The following MALRD1 variants were observed in gnomAD, a reference collection of about 807,000 sequenced individuals.
The protein encoded by MALRD1 is MAM and LDL-receptor class A domain-containing protein 1.
In MALRD1, 247 loss-of-function variants were observed where a neutral mutation model predicts 242.1. The ratio of observed to expected loss-of-function variants is 1.02; its 90% confidence interval spans 0.92 to 1.13. The LOEUF is 1.13. Ranked by LOEUF, MALRD1 falls within the 50% of genes most tolerant of loss-of-function variation. MALRD1 has a pLI of 0.00. For synonymous variants in MALRD1, 995 were observed against 866.6 expected, an observed-to-expected ratio of 1.15 and a Z score of -2.60; for missense variants, 2,989 against 2,533.1, an observed-to-expected ratio of 1.18 and a Z score of -3.86.
chr10:19,245,221 C>T (rs926744222), intron 18 of MALRD1, among the ~76,000 whole-genome samples: 1 of 152,102 alleles, frequency 6.6e-6, no homozygotes, highest in African/African-American at 2.4e-5. Context: ...TTATTTTTAA[C>T]TATAATCTAG....
At chr10:19,668,418 A>T (rs913900667) in intron 36 of MALRD1, among the ~76,000 whole-genome samples, 2 of 152,148 alleles carry the variant, frequency 1.3e-5, no homozygotes, top group South Asian at 2.1e-4. Flanking sequence ...CAGTCACCCA[A>T]TCCAGCCCAC....
intron 32 of MALRD1, among the ~76,000 whole-genome samples, chr10:19,536,517 G>A (rs1404668158): frequency 6.6e-6 from 1 of 151,838 alleles, no homozygotes; most frequent in African/African-American, 2.4e-5. Flanking sequence ...TTTCCTTGCT[G>A]ATTTCTCATC....
chr10:19,300,492 T>G (rs1187130851), intron 21 of MALRD1, among the ~76,000 whole-genome samples: 1 of 151,862 alleles, frequency 6.6e-6, no homozygotes, highest in Admixed American at 6.6e-5. Context: ...AATAGAATAG[T>G]GCTGTGACAA....
At chr10:19,327,091 C>G (rs1046674210) in intron 22 of MALRD1, among the ~76,000 whole-genome samples, 1 of 152,070 alleles carries the variant, frequency 6.6e-6, no homozygotes, top group Admixed American at 6.6e-5. Flanking sequence ...GCTCACTCAT[C>G]TTACCCATCT....
intron 26 of MALRD1, among the ~76,000 whole-genome samples, chr10:19,367,734 TA>T (rs1456517789): frequency 2.0e-5 from 3 of 152,138 alleles, no homozygotes; most frequent in Non-Finnish European, 4.4e-5. Context: ...GAAGAGTGTA[TA>T]AGAGTTCTCT....
intron 25 of MALRD1, among the ~76,000 whole-genome samples, chr10:19,348,416 C>A (rs1444150276): frequency 6.6e-6 from 1 of 151,934 alleles, no homozygotes; most frequent in African/African-American, 2.4e-5. Flanking sequence ...AATTAAATAT[C>A]TCCAAGAATG....
intron 34 of MALRD1, among the ~76,000 whole-genome samples, chr10:19,601,909 G>A (rs1351923559): frequency 6.6e-6 from 1 of 151,782 alleles, no homozygotes; most frequent in Non-Finnish European, 1.5e-5. Context: ...TGATCTCTCA[G>A]CTTTTTGCAA....
Position 19,327,537 on chromosome 10 carries a change from G to A in MALRD1, c.3577-26G>A, listed in dbSNP as rs150745163. 1.1e-3 allele frequency: 1,643 copies of A among 1,504,998 alleles called. 12 individuals carry two copies. In the African/African-American group the frequency reaches 0.02, roughly 18 times the overall value. 93.2% of individuals were successfully genotyped at this position (1,504,998 alleles called of 1,614,324 possible). A position where few individuals can be genotyped will look rare whatever the true frequency, so the allele number is the denominator to read the frequency against. ...ATTTCTCAAGATAAAATACTTCAGT[G>A]CCTTTTACTTGATTTATCTCTATAG... On this transcript the variant is annotated intron_variant, in intron 22 of 39. Coordinates refer to ENST00000454679, the MANE Select transcript of MALRD1 (RefSeq NM_001142308.3).
intron 32 of MALRD1, among the ~76,000 whole-genome samples, chr10:19,546,020 T>G (rs1835192971): frequency 6.6e-6 from 1 of 152,226 alleles, no homozygotes; most frequent in Non-Finnish European, 1.5e-5. Context: ...CTCAAGAGAG[T>G]TAATTATATT....
chr10:19,083,406 G>T (rs1385668750), intron 2 of MALRD1, among the ~76,000 whole-genome samples: 2 of 151,934 alleles, frequency 1.3e-5, no homozygotes, highest in Non-Finnish European at 2.9e-5. Flanking sequence ...TAGATTTGCA[G>T]GAATATGTTG....
chr10:19,294,544 G>A (rs1456014096), intron 21 of MALRD1, among the ~76,000 whole-genome samples: 1 of 152,146 alleles, frequency 6.6e-6, no homozygotes, highest in African/African-American at 2.4e-5. Flanking sequence ...CCTACTCTGT[G>A]AGAACAGAAA....
intron 1 of MALRD1, among the ~76,000 whole-genome samples, chr10:19,061,112 C>G (rs1434556951): frequency 6.6e-6 from 1 of 152,096 alleles, no homozygotes; most frequent in Admixed American, 6.6e-5. Context: ...ACACTGGGGC[C>G]TGTCAGAGGG....
rs71388849 is a variant in MALRD1, at chr10:19,543,433, C to CTTTTTTTTTTTTTTTT, written c.5478+12085_5478+12100dup. 2.2e-4 allele frequency among the ~76,000 whole-genome samples: 23 copies of CTTTTTTTTTTTTTTTT among 106,422 alleles called. 1 individual carries two copies. The highest frequency in any genetic ancestry group is 2.6e-4 in the Non-Finnish European group (14 of 54,098). The allele number at this position is 106,422 out of a possible 152,430, so 69.8% of individuals were successfully genotyped here. On this transcript the variant is annotated intron_variant, in intron 32 of 39. Transcript: ENST00000454679. ...TGTAAAAATCATGCCCAGCTGATTT[C>CTTTTTTTTTTTTTTTT]TTTTTTTTTTTTTTTTTTGAGAGAG...
At chr10:19,050,660 G>T (rs530068212) in intron 1 of MALRD1, among the ~76,000 whole-genome samples, 1 of 152,256 alleles carries the variant, frequency 6.6e-6, no homozygotes, top group African/African-American at 2.4e-5. Context: ...CAAGGGCAAA[G>T]ATTCATTTGT....
At chr10:19,128,631 A>G (rs1338023554) in intron 8 of MALRD1, among the ~76,000 whole-genome samples, 1 of 152,210 alleles carries the variant, frequency 6.6e-6, no homozygotes, top group Non-Finnish European at 1.5e-5. Context: ...GAAGTATATT[A>G]AAGAAACTAT....
At chr10:19,427,944 A>G (rs1312608824) in intron 28 of MALRD1, among the ~76,000 whole-genome samples, 1 of 152,128 alleles carries the variant, frequency 6.6e-6, no homozygotes, top group African/African-American at 2.4e-5. Context: ...ATATCACTGT[A>G]TACACATGAG....
At chr10:19,162,259 C>T (rs919918626) in intron 12 of MALRD1, among the ~76,000 whole-genome samples, 40 of 152,088 alleles carry the variant, frequency 2.6e-4, no homozygotes, top group African/African-American at 7.9e-4. Context: ...ATTTTTTTGA[C>T]GTAGAATAGA....
chr10:19,412,049 A>G (rs1448187740), intron 28 of MALRD1, among the ~76,000 whole-genome samples: 1 of 152,248 alleles, frequency 6.6e-6, no homozygotes. Context: ...CTGCAATCCC[A>G]GCACTTTGGG....
At chr10:19,602,288 T>C (rs1006390360) in intron 34 of MALRD1, among the ~76,000 whole-genome samples, 17 of 150,242 alleles carry the variant, frequency 1.1e-4, no homozygotes, top group Non-Finnish European at 1.6e-4. Flanking sequence ...GCTGGTGTGC[T>C]GCACCCATTA....
Sources: allele counts gnomAD v4.1 joint callset (sites outside exome capture counted in the v4.1 genomes callset), GRCh38; gene constraint gnomAD v4.1.1; transcripts MANE v1.5; gene names NCBI Gene and HGNC (gene_info 2026-07-23, HGNC 2026-07-21).